Variants in RBPJ observed in about 807,000 individuals in gnomAD.
RBPJ encodes recombination signal binding protein for immunoglobulin kappa J region.
In RBPJ, 9 loss-of-function variants were observed where a neutral mutation model predicts 67.8. That is an observed-to-expected ratio of 0.13 (90% CI 0.08 to 0.23). The LOEUF is 0.23. Ranked by LOEUF, RBPJ falls within the 10% of genes least tolerant of loss-of-function variation. RBPJ has a pLI of 1.00. For missense variants in RBPJ, 305 were observed against 595.6 expected, an observed-to-expected ratio of 0.51 and a Z score of 5.08; for synonymous variants, 198 against 203.3, an observed-to-expected ratio of 0.97 and a Z score of 0.22.
At chr4:26,372,032 A>G (rs574631338) in intron 1 of RBPJ, among the ~76,000 whole-genome samples, 9 of 152,342 alleles carry the variant, frequency 5.9e-5, no homozygotes, top group African/African-American at 2.2e-4. Context: ...ATTAGAAATA[A>G]TGCTGCCTCT....
chr4:26,387,611 C>T (rs1215857107), intron 2 of RBPJ, among the ~76,000 whole-genome samples: 2 of 152,080 alleles, frequency 1.3e-5, no homozygotes, highest in African/African-American at 4.8e-5. Context: ...AGACAGTTAG[C>T]AGGGCTGCAA....
intron 1 of RBPJ, among the ~76,000 whole-genome samples, chr4:26,263,730 C>G (rs961295614): frequency 1.1e-4 from 16 of 151,604 alleles, no homozygotes; most frequent in African/African-American, 3.9e-4. Flanking sequence ...TGCCACCACG[C>G]CCAGCTAATT....
intron 1 of RBPJ, among the ~76,000 whole-genome samples, chr4:26,255,521 G>A (rs188176922): frequency 6.7e-6 from 1 of 149,824 alleles, no homozygotes; most frequent in Admixed American, 6.6e-5. Flanking sequence ...ACCTAAATTC[G>A]GCCGGGCGTG....
chr4:26,384,248 G>A (rs555093502), intron 1 of RBPJ, among the ~76,000 whole-genome samples: 12 of 152,176 alleles, frequency 7.9e-5, no homozygotes, highest in African/African-American at 2.9e-4. Context: ...CCCATTTTTT[G>A]TGCTATTTCA....
chr4:26,382,240 GGAGA>G (rs1344021098), intron 1 of RBPJ, among the ~76,000 whole-genome samples: 1 of 152,106 alleles, frequency 6.6e-6, no homozygotes, highest in Non-Finnish European at 1.5e-5. Context: ...ACTTCAAGAT[GGAGA>G]GACAGTATAA....
intron 1 of RBPJ, among the ~76,000 whole-genome samples, chr4:26,254,088 ACTT>A (rs1720212419): frequency 6.7e-6 from 1 of 148,548 alleles, no homozygotes; most frequent in African/African-American, 2.6e-5. Context: ...CAGTCTGTCC[ACTT>A]CTTCCCTCTA....
intron 1 of RBPJ, among the ~76,000 whole-genome samples, chr4:26,384,837 CCTCTCCCCTCCCGCCTCTTG>C (rs1730686283): frequency 1.3e-5 from 1 of 74,564 alleles, no homozygotes; most frequent in African/African-American, 5.8e-5. Context: ...TCCCCTCTCA[CCTCTCCCCTCCCGCCTCTTG>C]CCTCTCCCCT....
At chr4:26,199,429 C>T (rs188197042) in intron 1 of RBPJ, among the ~76,000 whole-genome samples, 3 of 152,192 alleles carry the variant, frequency 2.0e-5, no homozygotes, top group African/African-American at 4.8e-5. Context: ...AAGTTAACTG[C>T]GAGATAACAA....
chr4:26,392,894 C>CCCAAAA (rs1425981371), intron 2 of RBPJ, among the ~76,000 whole-genome samples: 3 of 152,266 alleles, frequency 2.0e-5, no homozygotes, highest in East Asian at 3.9e-4. Flanking sequence ...ATTAGTGTAT[C>CCCAAAA]TTCTTGGGTA....
At chr4:26,370,765 C>T (rs181214069) in intron 1 of RBPJ, among the ~76,000 whole-genome samples, 1 of 152,202 alleles carries the variant, frequency 6.6e-6, no homozygotes, top group Admixed American at 6.5e-5. Context: ...AAATAGTTCC[C>T]TTTTCTCTCC....
chr4:26,309,595 G>T (rs1722357593), intron 1 of RBPJ, among the ~76,000 whole-genome samples: 2 of 152,178 alleles, frequency 1.3e-5, no homozygotes, highest in Non-Finnish European at 2.9e-5. Flanking sequence ...AAGTACTAGT[G>T]GTGAAGCTAG....
chr4:26,394,237 C>T (rs1192874249), intron 2 of RBPJ, among the ~76,000 whole-genome samples: 4 of 152,038 alleles, frequency 2.6e-5, no homozygotes, highest in Non-Finnish European at 5.9e-5. Flanking sequence ...CCGTGTTAGC[C>T]AGGATGGTCT....
At chr4:26,419,680 A>C (rs1226524756) in intron 4 of RBPJ, among the ~76,000 whole-genome samples, 1 of 152,202 alleles carries the variant, frequency 6.6e-6, no homozygotes, top group Admixed American at 6.5e-5. Context: ...AGCATCATTT[A>C]TCTTATCTGG....
chr4:26,303,181 AAAATAAATAAATAAATAAAT>A (rs143814094), intron 1 of RBPJ, among the ~76,000 whole-genome samples: 1 of 138,378 alleles, frequency 7.2e-6, no homozygotes, highest in South Asian at 2.2e-4. Flanking sequence ...ACCCTGTCAA[AAAATAAATAAATAAATAAAT>A]AAATAAATAA....
At chr4:26,109,458 C>CTA in the RBPJ span, among the ~76,000 whole-genome samples, 9 of 14,380 alleles carry the variant, frequency 6.3e-4, no homozygotes, top group Non-Finnish European at 9.1e-4. Flanking sequence ...CTCTCTCTCT[C>CTA]TCTATATATA....
At chr4:26,401,015 C>T (rs1159190263) in intron 2 of RBPJ, among the ~76,000 whole-genome samples, 2 of 152,224 alleles carry the variant, frequency 1.3e-5, no homozygotes, top group East Asian at 1.9e-4. Flanking sequence ...TTCAAGTTTG[C>T]TCTCAAAGCC....
intron 1 of RBPJ, among the ~76,000 whole-genome samples, chr4:26,235,990 A>G (rs564172441): frequency 9.2e-5 from 14 of 152,242 alleles, no homozygotes; most frequent in Non-Finnish European, 1.9e-4. Flanking sequence ...TTTATCCACA[A>G]CCAGGTAGAT....
At chr4:26,184,157 G>A (rs1416998938) in intron 1 of RBPJ, among the ~76,000 whole-genome samples, 1 of 150,562 alleles carries the variant, frequency 6.6e-6, no homozygotes, top group African/African-American at 2.5e-5. Flanking sequence ...ACTCCAGCCT[G>A]GGTGACAAAG....
At chr4:26,349,376 T>C (rs1726561779) in intron 1 of RBPJ, among the ~76,000 whole-genome samples, 1 of 152,240 alleles carries the variant, frequency 6.6e-6, no homozygotes, top group Non-Finnish European at 1.5e-5. Flanking sequence ...CTGGCCAATC[T>C]TCACATGTAG....
Sources: gnomAD v4.1 joint callset for allele counts (sites outside exome capture counted in the v4.1 genomes callset) on GRCh38, gnomAD v4.1.1 for gene constraint, MANE v1.5 for transcripts, NCBI Gene and HGNC (gene_info 2026-07-23, HGNC 2026-07-21) for gene names.